The following EPHA6 variants were observed in gnomAD, a reference collection of about 807,000 sequenced individuals.
EPHA6 encodes the protein EPH receptor A6, also known as ephrin type-A receptor 6.
A neutral mutation model predicts 112.0 loss-of-function variants in EPHA6; 50 were observed. The ratio of observed to expected loss-of-function variants is 0.45; its 90% CI spans 0.36 to 0.56. The LOEUF is 0.56. EPHA6 is among the 20% of genes least tolerant of loss of function. The pLI is 0.00. For missense variants in EPHA6, 1,280 were observed against 1,417.4 expected, an observed-to-expected ratio of 0.90 and a Z score of 1.56; for synonymous variants, 529 against 490.7, an observed-to-expected ratio of 1.08 and a Z score of -1.03.
chr3:97,440,630 A>G (rs2090087965), intron 6 of EPHA6, among the ~76,000 whole-genome samples: 1 of 151,214 alleles, frequency 6.6e-6, no homozygotes, highest in Admixed American at 6.6e-5. Context: ...AAAGCATAAT[A>G]GACAAATTAT....
chr3:97,254,700 CAAAT>C (rs1305310951), intron 5 of EPHA6, among the ~76,000 whole-genome samples: 2 of 152,102 alleles, frequency 1.3e-5, no homozygotes, highest in African/African-American at 4.8e-5. Context: ...ATGCCCTTCT[CAAAT>C]AAATATTATT....
At chr3:97,324,427 T>TTCTTTCTTTCTTTC (rs2082285926) in intron 5 of EPHA6, among the ~76,000 whole-genome samples, 3 of 146,336 alleles carry the variant, frequency 2.1e-5, no homozygotes, top group Admixed American at 1.4e-4. Context: ...CTTTCTTTCT[T>TTCTTTCTTTCTTTC]TCTTTCTTTC....
At position 97,197,708 on chromosome 3, in the gene EPHA6, G is replaced by A. The variant is rs115723012; in HGVS notation, c.1115-28556G>A. 9.7e-3 allele frequency among the ~76,000 whole-genome samples: 1,479 copies of A among 152,068 alleles called. 21 individuals carry two copies. The highest frequency in any genetic ancestry group is 0.035 in the African/African-American group (1,435 of 41,504). On this transcript the variant is annotated intron_variant, in intron 3 of 17. Transcript: ENST00000389672. ...TCTCACTAGGTCACATGCACCCCAA[G>A]TCCACTGGCTTCTAGCCCAGTACAG...
At chr3:97,399,715 G>A (rs1334226600) in intron 5 of EPHA6, among the ~76,000 whole-genome samples, 2 of 151,528 alleles carry the variant, frequency 1.3e-5, no homozygotes, top group Non-Finnish European at 3.0e-5. Flanking sequence ...ATATCTGTTA[G>A]TTATTTGTAT....
intron 1 of EPHA6, among the ~76,000 whole-genome samples, chr3:96,839,864 G>A (rs1041101334): frequency 3.9e-5 from 6 of 151,980 alleles, no homozygotes; most frequent in African/African-American, 1.5e-4. Context: ...ATGTTTTAGG[G>A]GAAGGATGAT....
At chr3:97,226,201 C>G in intron 3 of EPHA6, 63 bp from the exon 4 acceptor site, 1 of 1,370,624 alleles carries the variant, frequency 7.3e-7, no homozygotes. Context: ...GTATGTTGTA[C>G]ATGTACAAAT....
chr3:96,977,734 T>C (rs1465847330), intron 2 of EPHA6, among the ~76,000 whole-genome samples: 2 of 152,162 alleles, frequency 1.3e-5, no homozygotes, highest in African/African-American at 4.8e-5. Flanking sequence ...TCCAGAAAAG[T>C]TAACTACTAA....
At chr3:97,058,200 T>C (rs1464860341) in intron 3 of EPHA6, among the ~76,000 whole-genome samples, 1 of 152,088 alleles carries the variant, frequency 6.6e-6, no homozygotes, top group African/African-American at 2.4e-5. Context: ...TGTTTATATA[T>C]AAATATGTGA....
chr3:97,442,735 A>C (rs2090179543), intron 6 of EPHA6, among the ~76,000 whole-genome samples: 1 of 152,180 alleles, frequency 6.6e-6, no homozygotes, highest in African/African-American at 2.4e-5. Context: ...GAAATATGAA[A>C]AATATTAAGG....
intron 1 of EPHA6, among the ~76,000 whole-genome samples, chr3:96,816,224 G>A (rs915199562): frequency 6.6e-6 from 1 of 152,176 alleles, no homozygotes; most frequent in Non-Finnish European, 1.5e-5. Context: ...CATTTATACA[G>A]TGGTACTTTG....
intron 3 of EPHA6, among the ~76,000 whole-genome samples, chr3:97,008,524 G>C (rs2043967316): frequency 4.6e-5 from 7 of 152,102 alleles, no homozygotes; most frequent in Admixed American, 4.6e-4. Context: ...CTTTTATCAA[G>C]GTTCTTCACT....
At chr3:97,185,217 G>A (rs1055581961) in intron 3 of EPHA6, among the ~76,000 whole-genome samples, 7 of 152,096 alleles carry the variant, frequency 4.6e-5, no homozygotes, top group Non-Finnish European at 8.8e-5. Context: ...TGACAAACGG[G>A]ATCTAATTAA....
chr3:97,275,287 G>A (rs559718246), intron 5 of EPHA6, among the ~76,000 whole-genome samples: 5 of 152,244 alleles, frequency 3.3e-5, no homozygotes, highest in East Asian at 3.9e-4. Flanking sequence ...GCCGAGATAG[G>A]TAACAGATAA....
In EPHA6 at chr3:97,750,210, T is replaced by C. The variant is rs1249676657; in HGVS notation, c.*1509T>C. The stretch of plus-strand genomic sequence containing the variant: ...GTCTAAAGATGCTGATTTAATAAAT[T>C]AGCTTTTGTTGGATCTCAGTGATAA... On this transcript the variant is annotated 3_prime_UTR_variant, in exon 18 of 18. Coordinates refer to ENST00000389672, the MANE Select transcript of EPHA6 (RefSeq NM_001080448.3). Among the ~76,000 whole-genome samples the C allele has an allele frequency of 2.0e-5, 3 of 152,046 alleles. No homozygotes were observed. The highest frequency in any genetic ancestry group is 7.2e-5 in the African/African-American group (3 of 41,392).
At position 97,307,320 on chromosome 3, in the gene EPHA6, A is replaced by T. The variant is rs1038367990; in HGVS notation, c.1606+63033A>T. On this transcript the variant is annotated intron_variant, in intron 5 of 17. Transcript: ENST00000389672. ...AGCTGGGGTCAGATGCCCCAGATTCAAATTCTAATCTCACCACTAGTAAGT... is the reference window on the plus strand; with the variant it reads ...AGCTGGGGTCAGATGCCCCAGATTCTAATTCTAATCTCACCACTAGTAAGT... Among the ~76,000 whole-genome samples, 3 of 151,930 alleles carry T rather than the reference A, an allele frequency of 2.0e-5. No individual in the cohort carries two copies. In the South Asian group the frequency reaches 6.2e-4, roughly 31 times the overall value.
intron 3 of EPHA6, among the ~76,000 whole-genome samples, chr3:97,047,835 G>A (rs574055964): frequency 3.3e-4 from 50 of 152,188 alleles, no homozygotes; most frequent in African/African-American, 1.2e-3. Flanking sequence ...TTTTCCTTCT[G>A]AAGGAAATAC....
intron 7 of EPHA6, among the ~76,000 whole-genome samples, chr3:97,467,615 T>C (rs2091097703): frequency 6.6e-6 from 1 of 151,838 alleles, no homozygotes; most frequent in Admixed American, 6.6e-5. Context: ...CTTAAAAGAC[T>C]TTTTAAAGGA....
At chr3:97,176,160 T>A (rs1044784603) in intron 3 of EPHA6, among the ~76,000 whole-genome samples, 4 of 151,974 alleles carry the variant, frequency 2.6e-5, no homozygotes, top group Admixed American at 6.6e-5. Context: ...GAAATGATTA[T>A]GATTTTTATT....
intron 3 of EPHA6, among the ~76,000 whole-genome samples, chr3:97,017,173 T>C (rs2044293690): frequency 6.6e-6 from 1 of 152,130 alleles, no homozygotes; most frequent in African/African-American, 2.4e-5. Flanking sequence ...TACCTAGACT[T>C]AATTTCATAT....
Sources: allele counts gnomAD v4.1 joint callset (sites outside exome capture counted in the v4.1 genomes callset), GRCh38; gene constraint gnomAD v4.1.1; transcripts MANE v1.5; gene names NCBI Gene and HGNC (gene_info 2026-07-23, HGNC 2026-07-21).